Variants in IL21R observed in about 807,000 individuals in gnomAD.
The protein encoded by IL21R is interleukin 21 receptor.
IL21R carries 14 observed loss-of-function variants against 41.3 expected under a neutral mutation model. That is an observed-to-expected ratio of 0.34 (90% CI 0.22 to 0.53). IL21R has a LOEUF of 0.53. IL21R is among the 20% of genes least tolerant of loss of function. IL21R has a pLI of 0.94. For synonymous variants in IL21R, 286 were observed against 287.6 expected (o/e 0.99, Z 0.05); for missense variants, 588 against 681.6 (o/e 0.86, Z 1.53).
intron 3 of IL21R, among the ~76,000 whole-genome samples, chr16:27,435,822 G>A (rs1335779801): frequency 6.6e-6 from 1 of 152,052 alleles, no homozygotes. Context: ...AGGCTGGAGT[G>A]CGGTGGCATG....
intron 1 of IL21R, 30 bp downstream of exon 1, chr16:27,402,648 C>T (rs754753635): frequency 3.0e-4 from 47 of 154,814 alleles, no homozygotes; most frequent in Non-Finnish European, 5.5e-4. Context: ...TCTGCTGGGA[C>T]CAGGGTGCCT....
chr16:27,445,716 G>A lies in IL21R; in HGVS notation c.786-291G>A, dbSNP rs547260636. Reference sequence around the variant, plus strand: ...CACACCTCTGAAATGGCCTCTCTGCGCACCCCTGGTTGCAGATAAAGAAGT... The same window carrying A: ...CACACCTCTGAAATGGCCTCTCTGCACACCCCTGGTTGCAGATAAAGAAGT... On this transcript the variant is annotated intron_variant, in intron 7 of 8. Transcript: ENST00000337929. 7.9e-5 allele frequency among the ~76,000 whole-genome samples: 12 copies of A among 152,284 alleles called. 1 individual carries two copies. Among genetic ancestry groups the A allele is most frequent in the Middle Eastern group, 6.8e-3 (2 of 294 alleles).
chr16:27,438,734 G>T (rs1455059897), intron 4 of IL21R, among the ~76,000 whole-genome samples: 1 of 152,140 alleles, frequency 6.6e-6, no homozygotes, highest in African/African-American at 2.4e-5. Context: ...GCCGGGCGTG[G>T]TGGCACACGC....
chr16:27,408,821 T>C (rs12596049), intron 1 of IL21R, among the ~76,000 whole-genome samples: 47,820 of 151,976 alleles, frequency 0.31, 8,072 homozygotes, highest in East Asian at 0.62. Context: ...CTGGGTCACA[T>C]TGCAGAGAAT....
intron 3 of IL21R, 24 bp downstream of exon 3, chr16:27,434,473 C>T: frequency 6.8e-7 from 1 of 1,477,992 alleles, no homozygotes; most frequent in Non-Finnish European, 9.4e-7. Flanking sequence ...CCTCACCAGT[C>T]CCCGGGGATG....
At position 27,434,360 on chromosome 16, in the gene IL21R, C is replaced by T. The variant is rs147702809; in HGVS notation, c.63C>T (p.Pro21=). Residue 21 remains proline, a synonymous_variant, in exon 3 of 9, where the codon CCC becomes CCT. Coordinates refer to ENST00000337929, the MANE Select transcript of IL21R (RefSeq NM_181078.3). ...CTGACCCTCCAGGCTGGGGCTGCCC[C>T]GACCTCGTCTGCTACACCGATTACC... ...LLLLQGGWGC[P]DLVCYTDYLQ... is the part of the protein sequence containing the mutation. 119 of 1,613,356 alleles carry T rather than the reference C, an allele frequency of 7.4e-5. No homozygotes were observed. Among genetic ancestry groups the T allele is most frequent in the Middle Eastern group, 3.3e-4 (2 of 6,084 alleles).
At chr16:27,440,069 A>T (rs1175098777) in intron 4 of IL21R, among the ~76,000 whole-genome samples, 2 of 151,924 alleles carry the variant, frequency 1.3e-5, no homozygotes, top group Admixed American at 1.3e-4. Flanking sequence ...GAACAGCAAC[A>T]GCAACAACCC....
chr16:27,440,286 A>AGAGAGAGAGAGAGAG (rs1567370101), intron 4 of IL21R, among the ~76,000 whole-genome samples: 5 of 105,470 alleles, frequency 4.7e-5, no homozygotes, highest in African/African-American at 2.2e-4. Context: ...GAGAGCGAGC[A>AGAGAGAGAGAGAGAG]AGCGCGCGCC....
At chr16:27,445,465 A>G (rs1322921958) in intron 7 of IL21R, among the ~76,000 whole-genome samples, 189 bp downstream of exon 7, 1 of 152,200 alleles carries the variant, frequency 6.6e-6, no homozygotes, top group East Asian at 1.9e-4. Context: ...TGGCTGCCCT[A>G]TGAGCTTGAG....
rs750012669 is a variant in IL21R, at chr16:27,450,648, G to C, written c.*1365G>C. 9.1e-6 allele frequency: 2 copies of C among 218,676 alleles called. No individual in the cohort carries two copies. The highest frequency in any genetic ancestry group is 1.8e-5 in the Non-Finnish European group (2 of 109,252). 13.5% of individuals were successfully genotyped at this position (218,676 alleles called of 1,614,324 possible). A position where few individuals can be genotyped will look rare whatever the true frequency, so the allele number is the denominator to read the frequency against. On this transcript the variant is annotated 3_prime_UTR_variant, in exon 9 of 9. Transcript: ENST00000337929. The stretch of plus-strand genomic sequence containing the variant: ...CGCCCAGGCTGGAATGCAGTGGTGC[G>C]ATCTCGGCTCTCTGCAACCTCTGTC...
intron 1 of IL21R, among the ~76,000 whole-genome samples, chr16:27,421,539 C>T (rs1310838790): frequency 6.6e-6 from 1 of 152,052 alleles, no homozygotes; most frequent in East Asian, 1.9e-4. Context: ...CACTAATAAA[C>T]AAATTCATCT....
Position 27,448,748 on chromosome 16 carries a change from C to T in IL21R, c.1082C>T (p.Ser361Leu). 1 of 1,613,550 alleles carries T rather than the reference C, an allele frequency of 6.2e-7. No individual in the cohort carries two copies. The highest frequency in any genetic ancestry group is 8.5e-7 in the Non-Finnish European group (1 of 1,180,018). ...CCGACAGCCCAGAACTCGGGGGGCT[C>T]AGCTTACAGTGAGGAGAGGGATCGG... is the stretch of plus-strand genomic sequence containing the variant. ...FWPTAQNSGG[S>L]AYSEERDRPY... The change falls in exon 9 of 9, where the codon TCA (serine) becomes TTA (leucine). Residue 361 changes from serine to leucine, a missense_variant. Coordinates refer to ENST00000337929, the MANE Select transcript of IL21R (RefSeq NM_181078.3).
intron 1 of IL21R, among the ~76,000 whole-genome samples, chr16:27,421,592 C>T (rs919592582): frequency 2.0e-5 from 3 of 151,818 alleles, no homozygotes; most frequent in Admixed American, 6.6e-5. Context: ...TTACTTTAAC[C>T]ATTTTGTTCT....
Position 27,405,328 on chromosome 16 carries a change from C to T in IL21R, c.-17+2710C>T, listed in dbSNP as rs145908313. Among the ~76,000 whole-genome samples, 676 of 151,986 alleles carry T rather than the reference C, an allele frequency of 4.4e-3. 5 individuals are homozygous for T. The highest frequency in any genetic ancestry group is 0.015 in the African/African-American group (637 of 41,434). ...GATTATAGACATGAGCCACCGTGACCGGCCTATGTTTTACTTTAAATATGT... is the reference window on the plus strand; with the variant it reads ...GATTATAGACATGAGCCACCGTGACTGGCCTATGTTTTACTTTAAATATGT... On this transcript the variant is annotated intron_variant, in intron 1 of 8. Transcript: ENST00000337929.
intron 1 of IL21R, among the ~76,000 whole-genome samples, chr16:27,428,903 C>A (rs551556479): frequency 4.6e-5 from 7 of 152,190 alleles, no homozygotes; most frequent in Non-Finnish European, 1.0e-4. Context: ...TGTGGGTTAA[C>A]TTTGGATTTA....
At position 27,430,018 on chromosome 16, in the gene IL21R, G is replaced by C. The variant is rs546670774; in HGVS notation, c.-16-38G>C. Reference sequence around the variant, plus strand: ...GAGGGGGAGGCCGGGGGAGCCCTGAGCCCGCCTGGCTCACCCTCCACTGTA... The same window carrying C: ...GAGGGGGAGGCCGGGGGAGCCCTGACCCCGCCTGGCTCACCCTCCACTGTA... On this transcript the variant is annotated intron_variant, in intron 1 of 8. Coordinates refer to ENST00000337929, the MANE Select transcript of IL21R (RefSeq NM_181078.3). 2.5e-6 allele frequency: 4 copies of C among 1,586,272 alleles called. No individual in the cohort carries two copies. In the African/African-American group the frequency reaches 5.4e-5, roughly 21 times the overall value.
chr16:27,444,772 G>C (rs2087448838), intron 6 of IL21R, 53 bp downstream of exon 6: 7 of 1,448,512 alleles, frequency 4.8e-6, no homozygotes, highest in Non-Finnish European at 6.4e-6. Flanking sequence ...ATTTTGTCCT[G>C]TTCTAGCCAC....
intron 1 of IL21R, chr16:27,427,421 G>A (rs1427676160): frequency 4.4e-6 from 3 of 687,750 alleles, no homozygotes; most frequent in African/African-American, 2.0e-5. Flanking sequence ...TTAAAGACAG[G>A]GTCTCACTCT....
intron 1 of IL21R, among the ~76,000 whole-genome samples, chr16:27,408,985 G>A (rs188562738): frequency 2.2e-4 from 34 of 152,134 alleles, no homozygotes; most frequent in Non-Finnish European, 4.1e-4. Context: ...GGGCACATAT[G>A]CTTGCATTTC....
Sources: allele counts gnomAD v4.1 joint callset (sites outside exome capture counted in the v4.1 genomes callset), GRCh38; gene constraint gnomAD v4.1.1; transcripts MANE v1.5; gene names NCBI Gene and HGNC (gene_info 2026-07-23, HGNC 2026-07-21).